The following RSRC1 variants were observed in gnomAD, a reference collection of about 807,000 sequenced individuals.
RSRC1 encodes serine/Arginine-related protein 53.
In RSRC1, 39 loss-of-function variants were observed where a neutral mutation model predicts 49.1. The observed-to-expected ratio is 0.79, with a 90% confidence interval of 0.61 to 1.04. RSRC1 has a LOEUF of 1.04. RSRC1 is among the 50% of genes least tolerant of loss of function. The probability of loss-of-function intolerance (pLI) is 0.00; values close to 1 mark genes in which losing one functional copy is unlikely to be tolerated. For synonymous variants in RSRC1, 143 were observed against 130.8 expected (o/e 1.09, Z -0.63); for missense variants, 388 against 402.4 (o/e 0.96, Z 0.31).
At chr3:158,423,109 T>G (rs900867330) in intron 6 of RSRC1, among the ~76,000 whole-genome samples, 1 of 151,944 alleles carries the variant, frequency 6.6e-6, no homozygotes, top group African/African-American at 2.4e-5. Context: ...TTTTGGCTTT[T>G]GTTGCCATTG....
At chr3:158,445,254 C>G (rs1029999754) in intron 6 of RSRC1, among the ~76,000 whole-genome samples, 3 of 152,128 alleles carry the variant, frequency 2.0e-5, no homozygotes, top group Admixed American at 1.3e-4. Flanking sequence ...GGAACAAACC[C>G]AGATGTCCAT....
At chr3:158,254,009 T>C (rs1010052476) in intron 4 of RSRC1, among the ~76,000 whole-genome samples, 2 of 152,196 alleles carry the variant, frequency 1.3e-5, no homozygotes, top group Admixed American at 1.3e-4. Context: ...AGTGAGAACG[T>C]GCAGTGTTTG....
intron 5 of RSRC1, among the ~76,000 whole-genome samples, chr3:158,301,402 A>G (rs1366303544): frequency 6.6e-6 from 1 of 152,080 alleles, no homozygotes; most frequent in African/African-American, 2.4e-5. Context: ...TATTTTATTT[A>G]TCTATTTATC....
rs76669620 is a variant in RSRC1 at position 158,393,410 on chromosome 3, G to A, written c.583+38502G>A. ...AGGACTTGTTTCTTTGAAAGAATAA[G>A]ATTGATAGGCTGCTAGCTAGACTAA... On this transcript the variant is annotated intron_variant, in intron 6 of 9. Transcript: ENST00000611884. 9.3e-3 allele frequency among the ~76,000 whole-genome samples: 1,413 copies of A among 151,708 alleles called. 41 individuals carry two copies. The highest frequency in any genetic ancestry group is 0.065 in the Admixed American group (991 of 15,206).
chr3:158,129,236 G>C lies in RSRC1; in HGVS notation c.320+5245G>C, dbSNP rs139264562. ...TTTTGTGTATCATATGAGATAGGGG[G>C]TTAGGTTCAATTATTTTCTTCATAC... is the stretch of plus-strand genomic sequence containing the variant. On this transcript the variant is annotated intron_variant, in intron 3 of 9. Coordinates refer to ENST00000611884, the MANE Select transcript of RSRC1 (RefSeq NM_001271838.2). 9.1e-3 allele frequency among the ~76,000 whole-genome samples: 1,345 copies of C among 148,424 alleles called. 34 individuals carry two copies. Among genetic ancestry groups the C allele is most frequent in the Admixed American group, 0.07 (1,045 of 14,904 alleles).
intron 6 of RSRC1, among the ~76,000 whole-genome samples, chr3:158,365,453 C>T (rs1384990407): frequency 6.6e-6 from 1 of 152,164 alleles, no homozygotes; most frequent in Non-Finnish European, 1.5e-5. Flanking sequence ...CCAGCTTCAT[C>T]CATGTCCCTG....
chr3:158,314,564 C>A (rs1376232916), intron 5 of RSRC1, among the ~76,000 whole-genome samples: 7 of 152,050 alleles, frequency 4.6e-5, no homozygotes, highest in African/African-American at 1.7e-4. Flanking sequence ...CAATTGTTAT[C>A]CTGTCAGCAT....
At chr3:158,246,649 T>C (rs181576942) in intron 4 of RSRC1, among the ~76,000 whole-genome samples, 2 of 152,318 alleles carry the variant, frequency 1.3e-5, no homozygotes, top group African/African-American at 4.8e-5. Context: ...AAGTTTAGTT[T>C]GGTCGGATAT....
At chr3:158,416,178 AT>A (rs138313875) in intron 6 of RSRC1, among the ~76,000 whole-genome samples, 7 of 150,826 alleles carry the variant, frequency 4.6e-5, no homozygotes, top group East Asian at 2.0e-4. Flanking sequence ...AGAGTCTTCT[AT>A]TTTTTTTTAT....
rs969063365 is a variant in RSRC1, at chr3:158,273,991, A to G, written c.495-24048A>G. Among the ~76,000 whole-genome samples, 3 of 152,140 alleles carry G rather than the reference A, an allele frequency of 2.0e-5. No homozygotes were observed. The East Asian group carries it at 5.8e-4, about 29-fold the overall frequency. ...TTAAGTGTTAAAAATTTTATCATAA[A>G]CATGGTAATGACCCTATAAAATAAC... On this transcript the variant is annotated intron_variant, in intron 4 of 9. Transcript: ENST00000611884.
At chr3:158,275,895 C>T in intron 4 of RSRC1, 1 of 674,840 alleles carries the variant, frequency 1.5e-6, no homozygotes, top group Non-Finnish European at 2.6e-6. Flanking sequence ...AACTTATGGC[C>T]CTTTCAAAGG....
chr3:158,204,249 T>A (rs1389371329), intron 4 of RSRC1, among the ~76,000 whole-genome samples: 4 of 152,332 alleles, frequency 2.6e-5, no homozygotes, highest in Non-Finnish European at 2.9e-5. Context: ...TGTTTATTTT[T>A]TATTTCCAAA....
chr3:158,277,337 A>G (rs1725872897), intron 4 of RSRC1, among the ~76,000 whole-genome samples: 1 of 152,218 alleles, frequency 6.6e-6, no homozygotes, highest in African/African-American at 2.4e-5. Context: ...CTTCACACAG[A>G]TAGGTATTGC....
chr3:158,487,998 T>C (rs1358127243), intron 7 of RSRC1, among the ~76,000 whole-genome samples: 1 of 133,162 alleles, frequency 7.5e-6, no homozygotes, highest in Non-Finnish European at 1.6e-5. Flanking sequence ...TTTCAGTAAC[T>C]TGGAAGAAAA....
At chr3:158,152,216 A>G (rs951040867) in intron 3 of RSRC1, among the ~76,000 whole-genome samples, 3 of 152,088 alleles carry the variant, frequency 2.0e-5, no homozygotes, top group African/African-American at 7.2e-5. Flanking sequence ...GCTGAACTTC[A>G]GTTTTAGGGA....
At chr3:158,386,345 T>C (rs1732964301) in intron 6 of RSRC1, among the ~76,000 whole-genome samples, 1 of 152,078 alleles carries the variant, frequency 6.6e-6, no homozygotes, top group Non-Finnish European at 1.5e-5. Context: ...GTTCAACTTA[T>C]CAATTTAAAA....
intron 5 of RSRC1, among the ~76,000 whole-genome samples, chr3:158,324,111 A>G (rs1728927873): frequency 6.6e-6 from 1 of 152,194 alleles, no homozygotes; most frequent in African/African-American, 2.4e-5. Context: ...ATTATACTTC[A>G]GTATATCAAT....
intron 6 of RSRC1, among the ~76,000 whole-genome samples, chr3:158,424,224 G>A (rs1337873408): frequency 1.3e-5 from 2 of 151,860 alleles, no homozygotes; most frequent in African/African-American, 4.8e-5. Context: ...TTTGTCATAG[G>A]TAGCTCTTAT....
intron 6 of RSRC1, among the ~76,000 whole-genome samples, chr3:158,439,502 A>T (rs1204548703): frequency 6.6e-6 from 1 of 152,208 alleles, no homozygotes; most frequent in African/African-American, 2.4e-5. Context: ...GGAGGAGTTC[A>T]TGTCCTTTGT....
Sources: allele counts gnomAD v4.1 joint callset (sites outside exome capture counted in the v4.1 genomes callset), GRCh38; gene constraint gnomAD v4.1.1; transcripts MANE v1.5; gene names NCBI Gene and HGNC (gene_info 2026-07-23, HGNC 2026-07-21).